MPPED1: variants seen among roughly 807,000 people sequenced by gnomAD.
The protein encoded by MPPED1 is metallophosphoesterase domain-containing protein 1.
Under a neutral mutation model 36.2 loss-of-function variants are expected in MPPED1, and 16 were observed. The observed-to-expected ratio is 0.44, with a 90% CI of 0.30 to 0.67. The LOEUF (loss-of-function observed/expected upper bound fraction) is 0.67, where lower values mean the gene tolerates loss of function less well. Ranked by LOEUF, MPPED1 falls within the 30% of genes least tolerant of loss-of-function variation. The probability of loss-of-function intolerance (pLI) is 0.10; values close to 1 mark genes in which losing one functional copy is unlikely to be tolerated. For missense variants in MPPED1, 307 were observed against 453.4 expected, an observed-to-expected ratio of 0.68 and a Z score of 2.93; for synonymous variants, 199 against 191.3, an observed-to-expected ratio of 1.04 and a Z score of -0.33.
At chr22:43,424,381 A>G (rs1370603218) in intron 1 of MPPED1, among the ~76,000 whole-genome samples, 2 of 151,796 alleles carry the variant, frequency 1.3e-5, no homozygotes, top group South Asian at 2.1e-4. Context: ...CGAGGGAGGA[A>G]TTTTCGCCCG....
At chr22:43,489,910 G>C (rs1052518687) in intron 4 of MPPED1, among the ~76,000 whole-genome samples, 1 of 152,182 alleles carries the variant, frequency 6.6e-6, no homozygotes, top group African/African-American at 2.4e-5. Flanking sequence ...CACAGTGGTG[G>C]TGCCGTCTAA....
chr22:43,427,376 G>T (rs948841029), intron 2 of MPPED1, among the ~76,000 whole-genome samples: 1 of 152,160 alleles, frequency 6.6e-6, no homozygotes, highest in Non-Finnish European at 1.5e-5. Context: ...TTGGGAGAGG[G>T]TGTGAGGAGG....
In MPPED1 at chr22:43,507,555, G is replaced by A. The variant is rs545459879; in HGVS notation, c.*1939G>A. On this transcript the variant is annotated 3_prime_UTR_variant, in exon 7 of 7. Transcript: ENST00000443721. ...CCAGGCGCAGGACATGTGTGCGGGT[G>A]GAGAAAAGCAGGCCCTTTCAGTGCC... 6.6e-6 allele frequency: 1 copy of A among 152,298 alleles called. No homozygotes were observed. Among genetic ancestry groups the A allele is most frequent in the South Asian group, 2.1e-4 (1 of 4,828 alleles). The allele number at this position is 152,298 out of a possible 1,614,324, so 9.4% of individuals were successfully genotyped here.
chr22:43,481,080 C>T (rs546345562), intron 4 of MPPED1, among the ~76,000 whole-genome samples: 1 of 152,322 alleles, frequency 6.6e-6, no homozygotes, highest in South Asian at 2.1e-4. Context: ...GCCTCGGCCT[C>T]CCAGAGTGCT....
chr22:43,485,690 A>G (rs779853361), intron 4 of MPPED1, among the ~76,000 whole-genome samples: 2 of 152,236 alleles, frequency 1.3e-5, no homozygotes, highest in South Asian at 2.1e-4. Flanking sequence ...ACTACTCCAC[A>G]TGAGATTAAT....
intron 1 of MPPED1, among the ~76,000 whole-genome samples, chr22:43,423,269 C>T (rs566950011): frequency 6.6e-6 from 1 of 152,316 alleles, no homozygotes; most frequent in Admixed American, 6.5e-5. Context: ...TCAGAGTATG[C>T]GGCGTCCTGA....
chr22:43,435,728 G>A lies in MPPED1; in HGVS notation c.406+513G>A, dbSNP rs186395146. Among the ~76,000 whole-genome samples the A allele has an allele frequency of 2.8e-3, 423 of 152,276 alleles. 2 individuals carry two copies. Among genetic ancestry groups the A allele is most frequent in the Non-Finnish European group, 3.0e-3 (201 of 68,020 alleles). ...AAAAATTAGCTGGGTGTGGTGGCGGGCACCTGTAATCCCAGCTACATCGGA... is the reference window on the plus strand; with the variant it reads ...AAAAATTAGCTGGGTGTGGTGGCGGACACCTGTAATCCCAGCTACATCGGA... On this transcript the variant is annotated intron_variant, in intron 3 of 6. Transcript: ENST00000443721.
At chr22:43,435,477 C>T (rs894129511) in intron 3 of MPPED1, among the ~76,000 whole-genome samples, 2 of 152,018 alleles carry the variant, frequency 1.3e-5, no homozygotes, top group African/African-American at 2.4e-5. Flanking sequence ...CCTGGAAGAC[C>T]CCCTCCAAAA....
Position 43,425,126 on chromosome 22 carries a change from G to A in MPPED1, c.141G>A (p.Val47=), listed in dbSNP as rs1436042615. The change falls in exon 2 of 7, where the codon GTG becomes GTA. Residue 47 remains valine (V), a synonymous_variant. Coordinates refer to ENST00000443721, the MANE Select transcript of MPPED1 (RefSeq NM_001044370.2). ...AGCACAGCCGGCTCATCATCGAGGT[G>A]GACGAGTACAGCTCCAACCCCACCC... The part of the protein sequence containing the change: ...RHQHSRLIIE[V]DEYSSNPTQA... 2 of 1,613,896 alleles carry A rather than the reference G, an allele frequency of 1.2e-6. No individual in the cohort carries two copies. Among genetic ancestry groups the A allele is most frequent in the South Asian group, 1.1e-5 (1 of 91,072 alleles).
At chr22:43,477,788 G>A (rs1931623686) in intron 4 of MPPED1, among the ~76,000 whole-genome samples, 1 of 152,200 alleles carries the variant, frequency 6.6e-6, no homozygotes, top group Admixed American at 6.5e-5. Flanking sequence ...ACTGGAGGCT[G>A]TTCAAATTGG....
intron 2 of MPPED1, among the ~76,000 whole-genome samples, chr22:43,429,935 G>T (rs1228081928): frequency 6.6e-6 from 1 of 152,170 alleles, no homozygotes; most frequent in Non-Finnish European, 1.5e-5. Context: ...GACAGGTGTG[G>T]GGATGCAGGA....
chr22:43,481,741 C>T lies in MPPED1; in HGVS notation c.632+6780C>T, dbSNP rs78006775. Among the ~76,000 whole-genome samples, 325 of 152,248 alleles carry T rather than the reference C, an allele frequency of 2.1e-3. 1 individual carries two copies. Among genetic ancestry groups the T allele is most frequent in the African/African-American group, 7.4e-3 (309 of 41,544 alleles). On this transcript the variant is annotated intron_variant, in intron 4 of 6. Transcript: ENST00000443721. ...TGTGCCCCCTGCTGGCTTGCCATGTCGCCCCCTTGATACCATCCCCTTCAC... is the reference window on the plus strand; with the variant it reads ...TGTGCCCCCTGCTGGCTTGCCATGTTGCCCCCTTGATACCATCCCCTTCAC...
chr22:43,496,981 GGTA>G (rs1397121256), intron 4 of MPPED1, among the ~76,000 whole-genome samples: 1 of 128,420 alleles, frequency 7.8e-6, no homozygotes. Flanking sequence ...TGGTGGTGGA[GGTA>G]GTGGTGGTGG....
chr22:43,487,937 G>C (rs1482979972), intron 4 of MPPED1, among the ~76,000 whole-genome samples: 1 of 152,150 alleles, frequency 6.6e-6, no homozygotes, highest in East Asian at 1.9e-4. Flanking sequence ...GCTGATTCCT[G>C]GTCACATTTT....
At chr22:43,495,901 G>A (rs1200137696) in intron 4 of MPPED1, among the ~76,000 whole-genome samples, 3 of 136,130 alleles carry the variant, frequency 2.2e-5, no homozygotes, top group Non-Finnish European at 3.2e-5. Flanking sequence ...TGGTGGAGAT[G>A]GTGGTGGTGG....
chr22:43,444,441 A>G (rs1930265242), intron 3 of MPPED1, among the ~76,000 whole-genome samples: 1 of 141,260 alleles, frequency 7.1e-6, no homozygotes, highest in South Asian at 2.2e-4. Flanking sequence ...ATCTCAGCTC[A>G]CTGCAACCTC....
intron 4 of MPPED1, among the ~76,000 whole-genome samples, chr22:43,483,143 G>A (rs529493228): frequency 1.1e-4 from 16 of 152,360 alleles, no homozygotes; most frequent in African/African-American, 3.8e-4. Flanking sequence ...CCCACCTGGT[G>A]TGCACAGTGA....
intron 3 of MPPED1, among the ~76,000 whole-genome samples, chr22:43,436,258 C>T (rs1348133162): frequency 2.0e-5 from 3 of 152,248 alleles, no homozygotes; most frequent in Non-Finnish European, 2.9e-5. Context: ...CCCAGGCCTG[C>T]TGCCGTGGAG....
At chr22:43,440,030 C>A (rs529845006) in intron 3 of MPPED1, among the ~76,000 whole-genome samples, 2 of 152,358 alleles carry the variant, frequency 1.3e-5, no homozygotes, top group African/African-American at 4.8e-5. Flanking sequence ...CACTGTCAGC[C>A]CCTGAAGGGG....
Sources: gnomAD v4.1 joint callset for allele counts (sites outside exome capture counted in the v4.1 genomes callset) on GRCh38, gnomAD v4.1.1 for gene constraint, MANE v1.5 for transcripts, NCBI Gene and HGNC (gene_info 2026-07-23, HGNC 2026-07-21) for gene names.